Variants in CLDN5 observed in about 807,000 individuals in gnomAD.
The protein encoded by CLDN5 is claudin-5.
Under a neutral mutation model 1.3 loss-of-function variants are expected in CLDN5, and 4 were observed. The ratio of observed to expected loss-of-function variants is 3.07; its 90% CI spans 1.51 to 7.03. The LOEUF (loss-of-function observed/expected upper bound fraction) is 7.03. Ranked by LOEUF, CLDN5 falls within the 30% of genes most tolerant of loss-of-function variation. The pLI is 0.00. For missense variants in CLDN5, 225 were observed against 303.5 expected (o/e 0.74, Z 1.92); for synonymous variants, 156 against 152.3 (o/e 1.02, Z -0.18).
upstream of CLDN5, chr22:19,524,590 G>T: frequency 1.5e-6 from 2 of 1,336,860 alleles, no homozygotes; most frequent in South Asian, 4.6e-5. Context: ...GAGGGCGCGG[G>T]ACCGCTCCCC....
upstream of CLDN5, chr22:19,524,469 C>T: frequency 1.4e-6 from 2 of 1,432,266 alleles, no homozygotes; most frequent in East Asian, 5.4e-5. Context: ...TCCCCCGGGC[C>T]CGGCCCCCCG....
chr22:19,524,441 G>T, upstream of CLDN5: 1 of 1,440,700 alleles, frequency 6.9e-7, no homozygotes, highest in Non-Finnish European at 9.1e-7. Flanking sequence ...CTCTTTGAAG[G>T]TTCGGGGGCG....
At chr22:19,524,444 CG>C, upstream of CLDN5, 1 of 1,440,884 alleles carries the variant, frequency 6.9e-7, no homozygotes, top group Non-Finnish European at 9.1e-7. Context: ...TTTGAAGGTT[CG>C]GGGGCGGATT....
rs770989138 is a variant in CLDN5 at position 19,523,896 on chromosome 22, C to T, written c.360G>A (p.Thr120=). 6 of 1,606,282 alleles carry T rather than the reference C, an allele frequency of 3.7e-6. No homozygotes were observed. The highest frequency in any genetic ancestry group is 2.7e-5 in the African/African-American group (2 of 74,886). Residue 120 remains threonine, a synonymous_variant, in exon 1 of 1, where the codon ACG becomes ACA. Transcript: ENST00000618236. ...PGPAKARVAL[T]GGVLYLFCGL... is the part of the protein sequence containing the mutation. ...CGCAAAACAGGTAGAGCACGCCTCC[C>T]GTGAGGGCCACACGCGCCTTGGCCG...
chr22:19,523,701 G>A lies in CLDN5; in HGVS notation c.555C>T (p.Ala185=), dbSNP rs1400278584. The stretch of plus-strand genomic sequence containing the variant: ...GGTCGGGACGGCCGGTGCAGACCCA[G>A]GCGCCGCAGCACAAGAGGCAGCCGC... ...MVGGCLLCCG[A]WVCTGRPDLS... Residue 185 remains alanine (A), a synonymous_variant, in exon 1 of 1, where the codon GCC becomes GCT. Transcript: ENST00000618236. 1 of 1,607,724 alleles carries A rather than the reference G, an allele frequency of 6.2e-7. No homozygotes were observed. Among genetic ancestry groups the A allele is most frequent in the Non-Finnish European group, 8.5e-7 (1 of 1,179,104 alleles).
chr22:19,524,666 G>A, upstream of CLDN5: 1 of 1,318,318 alleles, frequency 7.6e-7, no homozygotes, highest in Non-Finnish European at 9.7e-7. Flanking sequence ...TTCTGGGCTG[G>A]CCTAGGGCGC....
At chr22:19,524,427 T>A, upstream of CLDN5, 1 of 1,446,402 alleles carries the variant, frequency 6.9e-7, no homozygotes, top group Non-Finnish European at 9.1e-7. Context: ...TGCCGGGGGG[T>A]ACCCTCTTTG....
At chr22:19,524,869 A>G (rs77160802), upstream of CLDN5, 69 of 1,104,948 alleles carry the variant, frequency 6.2e-5, no homozygotes, top group East Asian at 3.7e-3. Context: ...AGGCCCTCGT[A>G]GGGGGGCTCT....
chr22:19,524,052 G>A lies in CLDN5; in HGVS notation c.204C>T (p.Asp68=). 1.2e-6 allele frequency: 2 copies of A among 1,603,296 alleles called. No individual in the cohort carries two copies. The highest frequency in any genetic ancestry group is 1.7e-6 in the Non-Finnish European group (2 of 1,179,378). Residue 68 remains aspartate (D), a synonymous_variant, in exon 1 of 1, where the codon GAC becomes GAT. Transcript: ENST00000618236. ...CCTCGGTGCTCAGAGCCAGCACCGA[G>A]TCGTACACTTTGCACTGCATGTGCC... The part of the protein sequence containing the change: ...STGHMQCKVY[D]SVLALSTEVQ...
rs1280943678 is a variant in CLDN5, at chr22:19,524,363, G to A, written c.-108C>T. 1 of 1,474,386 alleles carries A rather than the reference G, an allele frequency of 6.8e-7. No homozygotes were observed. The highest frequency in any genetic ancestry group is 9.0e-7 in the Non-Finnish European group (1 of 1,112,174). 91.3% of individuals were successfully genotyped at this position (1,474,386 alleles called of 1,614,324 possible). On this transcript the variant is annotated 5_prime_UTR_variant, in exon 1 of 1. Transcript: ENST00000618236. ...TTTGCGCCCGCGCTCCCGGCTCTTGGCCCCAGTCCGTTTGCCCCGCGGGTC... is the reference window on the plus strand; with the variant it reads ...TTTGCGCCCGCGCTCCCGGCTCTTGACCCCAGTCCGTTTGCCCCGCGGGTC...
Position 19,523,950 on chromosome 22 carries a change from C to T in CLDN5, c.306G>A (p.Ala102=). Residue 102 remains alanine, a synonymous_variant, in exon 1 of 1, where the codon GCG becomes GCA. Coordinates refer to ENST00000618236, the MANE Select transcript of CLDN5 (RefSeq NM_001363066.2). ...CCGGGGCCACGCAGGTGGTGCACTG[C>T]GCGCCCGCCAGGGTCACGAAGAGCG... The part of the protein sequence containing the change: ...FVALFVTLAG[A]QCTTCVAPGP... 3 of 1,589,350 alleles carry T rather than the reference C, an allele frequency of 1.9e-6. No homozygotes were observed. In the South Asian group the frequency reaches 3.3e-5, roughly 18 times the overall value.
At position 19,524,028 on chromosome 22, in the gene CLDN5, C is replaced by G. The variant is rs373454282; in HGVS notation, c.228G>C (p.Glu76Asp). Reference protein sequence around the residue: ...VYDSVLALSTEVQAARALTVS... With the variant: ...VYDSVLALSTDVQAARALTVS... ...CGGTGAGCGCCCGCGCCGCCTGCAC[C>G]TCGGTGCTCAGAGCCAGCACCGAGT... Residue 76 changes from glutamate (E) to aspartate (D), a missense_variant, in exon 1 of 1, where the codon GAG becomes GAC. Glu to Asp is a conservative substitution (Grantham distance 45). This residue lies in a region of CLDN5 where 165 missense variants were observed against 211.9 expected (regional missense o/e 0.78). Coordinates refer to ENST00000618236, the MANE Select transcript of CLDN5 (RefSeq NM_001363066.2). The G allele has an allele frequency of 1.9e-6, 3 of 1,598,796 alleles. No individual in the cohort carries two copies. Among genetic ancestry groups the G allele is most frequent in the Non-Finnish European group, 1.7e-6 (2 of 1,178,116 alleles).
rs772036342 is a variant in CLDN5 at position 19,523,715 on chromosome 22, A to G, written c.541T>C (p.Leu181=). The G allele has an allele frequency of 6.6e-5, 106 of 1,606,894 alleles. No individual in the cohort carries two copies. The highest frequency in any genetic ancestry group is 8.7e-5 in the Non-Finnish European group (102 of 1,178,480). Residue 181 remains leucine, a synonymous_variant, in exon 1 of 1, where the codon TTG becomes CTG. Coordinates refer to ENST00000618236, the MANE Select transcript of CLDN5 (RefSeq NM_001363066.2). The part of the protein sequence containing the change: ...TALLMVGGCL[L]CCGAWVCTGR... ...GTGCAGACCCAGGCGCCGCAGCACA[A>G]GAGGCAGCCGCCTACCATGAGCAGC...
chr22:19,525,190 G>C, upstream of CLDN5: 1 of 1,000,474 alleles, frequency 1.0e-6, no homozygotes. Flanking sequence ...CTCTTCCTGC[G>C]GTACTGCCCG....
Position 19,524,241 on chromosome 22 carries a change from C to A in CLDN5, c.15G>T (p.Ala5=). The change falls in exon 1 of 1, where the codon GCG becomes GCT. Residue 5 remains alanine (A), a synonymous_variant. Transcript: ENST00000618236. MGSA[A]LEILGLVLCL... ...ACAGCACCAGGCCCAGGATCTCCAA[C>A]GCTGCGGACCCCATGGCTAGAGGCG... is the stretch of plus-strand genomic sequence containing the variant. 1 of 1,583,628 alleles carries A rather than the reference C, an allele frequency of 6.3e-7. No individual in the cohort carries two copies. The highest frequency in any genetic ancestry group is 8.6e-7 in the Non-Finnish European group (1 of 1,165,306).
At chr22:19,524,992 A>T (rs780353805), upstream of CLDN5, 4 of 1,005,344 alleles carry the variant, frequency 4.0e-6, no homozygotes, top group Non-Finnish European at 4.8e-6. Flanking sequence ...GCAAACAGAG[A>T]GGCCAGGCAG....
In CLDN5 at chr22:19,524,060, CTT is replaced by C; in HGVS notation, c.194_195del (p.Lys65SerfsTer187). On this transcript the variant is annotated frameshift_variant, in exon 1 of 1. Coordinates refer to ENST00000618236, the MANE Select transcript of CLDN5 (RefSeq NM_001363066.2). LOFTEE classifies it low-confidence loss of function (END_TRUNC). Reference protein sequence around the residue: ...VVQSTGHMQCKVYDSVLALST... With the variant: ...VVQSTGHMQCXVYDSVLALST... ...CTCAGAGCCAGCACCGAGTCGTACA[CTT>C]TGCACTGCATGTGCCCGGTGCTCTG... 1 of 1,604,252 alleles carries C rather than the reference CTT, an allele frequency of 6.2e-7. No homozygotes were observed. The highest frequency in any genetic ancestry group is 8.5e-7 in the Non-Finnish European group (1 of 1,179,474).
upstream of CLDN5, chr22:19,524,464 C>T (rs1934188162): frequency 1.4e-6 from 2 of 1,429,286 alleles, no homozygotes; most frequent in Non-Finnish European, 1.8e-6. Flanking sequence ...TTCTGTCCCC[C>T]GGGCCCGGCC....
In CLDN5 at chr22:19,523,670, A is replaced by T; in HGVS notation, c.586T>A (p.Phe196Ile). Residue 196 changes from phenylalanine (F) to isoleucine (I), a missense_variant, in exon 1 of 1, where the codon TTC becomes ATC. By Grantham distance (21) the Phe-to-Ile change is conservative. Transcript: ENST00000618236. ...WVCTGRPDLS[F>I]PVKYSAPRRP... ...CGCGGCGCTGAGTACTTCACGGGGAAGCTGAGGTCGGGACGGCCGGTGCAG... is the reference window on the plus strand; with the variant it reads ...CGCGGCGCTGAGTACTTCACGGGGATGCTGAGGTCGGGACGGCCGGTGCAG... The T allele has an allele frequency of 1.9e-6, 3 of 1,607,518 alleles. No individual in the cohort carries two copies. The highest frequency in any genetic ancestry group is 1.3e-5 in the African/African-American group (1 of 75,028).
Sources: gnomAD v4.1 joint callset for allele counts on GRCh38, gnomAD v4.1.1 for gene constraint, gnomAD v4.1.1 regional missense constraint, MANE v1.5 for transcripts, NCBI Gene and HGNC (gene_info 2026-07-23, HGNC 2026-07-21) for gene names.